The following PTCH2 variants were observed in gnomAD, a reference collection of about 807,000 sequenced individuals.
PTCH2 encodes the protein patched 2, also known as protein patched homolog 2.
A neutral mutation model predicts 117.9 loss-of-function variants in PTCH2; 96 were observed. The observed-to-expected ratio is 0.81, with a 90% CI of 0.69 to 0.96. The LOEUF is 0.96. PTCH2 is among the 50% of genes least tolerant of loss of function. PTCH2 has a pLI of 0.00. For missense variants in PTCH2, 1,379 were observed against 1,562.5 expected, an observed-to-expected ratio of 0.88 and a Z score of 1.98; for synonymous variants, 615 against 660.9, an observed-to-expected ratio of 0.93 and a Z score of 1.06.
At chr1:44,828,741 A>C (rs375038160) in intron 11 of PTCH2, 110 bp from the exon 12 acceptor site, 19 of 1,461,468 alleles carry the variant, frequency 1.3e-5, no homozygotes, top group Non-Finnish European at 1.8e-5. Flanking sequence ...GGCAGTCATA[A>C]CACAGTGGCT....
chr1:44,837,763 G>C (rs181307890), intron 2 of PTCH2, among the ~76,000 whole-genome samples: 3 of 152,108 alleles, frequency 2.0e-5, no homozygotes, highest in Admixed American at 6.6e-5. Flanking sequence ...GCCTCAACTA[G>C]AGCAGTGACC....
chr1:44,838,427 GAC>G (rs1476515615), intron 2 of PTCH2, among the ~76,000 whole-genome samples: 2 of 152,148 alleles, frequency 1.3e-5, no homozygotes, highest in African/African-American at 2.4e-5. Context: ...TTGGAGTAGA[GAC>G]AGTGTTTCAC....
chr1:44,828,736 T>C (rs1344338628), intron 11 of PTCH2, 105 bp from the exon 12 acceptor site: 1 of 1,483,304 alleles, frequency 6.7e-7, no homozygotes, highest in South Asian at 1.2e-5. Flanking sequence ...GGTGGGGCAG[T>C]CATAACACAG....
chr1:44,822,456 C>G lies in PTCH2; in HGVS notation c.3571G>C (p.Gly1191Arg). 1 of 1,613,930 alleles carries G rather than the reference C, an allele frequency of 6.2e-7. No homozygotes were observed. Among genetic ancestry groups the G allele is most frequent in the East Asian group, 2.2e-5 (1 of 44,880 alleles). Residue 1191 changes from glycine to arginine, a missense_variant, in exon 22 of 22, where the codon GGC becomes CGC. Gly to Arg is a moderately radical substitution (Grantham distance 125). Transcript: ENST00000372192. ...CCTGGTCCCCTGGAACTGAGGTTGC[C>G]AGAGCTAGTGGCAGCAGGGGACCAA... ...PPWSPAATSS[G>R]NLSSRGPGPA...
rs1573666565 is a variant in PTCH2 at position 44,842,902 on chromosome 1, G to A, written c.31C>T (p.Pro11Ser). The A allele has an allele frequency of 1.9e-6, 3 of 1,550,164 alleles. No individual in the cohort carries two copies. Among genetic ancestry groups the A allele is most frequent in the South Asian group, 1.2e-5 (1 of 83,826 alleles). The change falls in exon 1 of 22, where the codon CCC becomes TCC. Residue 11 changes from proline to serine, a missense_variant. Coordinates refer to ENST00000372192, the MANE Select transcript of PTCH2 (RefSeq NM_003738.5). MTRSPPLREL[P>S]PSYTPPARTA... Reference sequence around the variant, plus strand: ...CGAGCTGGGGGTGTGTAACTCGGGGGCAGCTCTCTGAGGGGCGGCGATCGA... The same window carrying A: ...CGAGCTGGGGGTGTGTAACTCGGGGACAGCTCTCTGAGGGGCGGCGATCGA...
chr1:44,827,838 C>T lies in PTCH2; in HGVS notation c.2058+5G>A. ...AAGTCTCTGCCCTGCTCTGCCCAGT[C>T]TTACCTTAGCATGTGACTGGAGCAG... is the stretch of plus-strand genomic sequence containing the variant. On this transcript the variant is annotated splice_donor_5th_base_variant and intron_variant, in intron 14 of 21. Coordinates refer to ENST00000372192, the MANE Select transcript of PTCH2 (RefSeq NM_003738.5). 1 of 1,614,046 alleles carries T rather than the reference C, an allele frequency of 6.2e-7. No homozygotes were observed. The highest frequency in any genetic ancestry group is 1.1e-5 in the South Asian group (1 of 91,082).
downstream of PTCH2, chr1:44,821,775 T>C: frequency 1.5e-6 from 2 of 1,316,184 alleles, no homozygotes; most frequent in Non-Finnish European, 2.0e-6. Context: ...CCAGATGATG[T>C]TACCAAGTAT....
At position 44,832,315 on chromosome 1, in the gene PTCH2, G is replaced by T; in HGVS notation, c.292C>A (p.His98Asn). ...EVGSRVSQEL[H>N]YTKEKLGEEA... ...TCCCCCAGCTTCTCCTTGGTGTAAT[G>T]CAGCTCCTGGCTCACCCGGCTGCCC... is the stretch of plus-strand genomic sequence containing the variant. The change falls in exon 3 of 22, where the codon CAT (histidine) becomes AAT (asparagine). Residue 98 changes from histidine (H) to asparagine (N), a missense_variant. Coordinates refer to ENST00000372192, the MANE Select transcript of PTCH2 (RefSeq NM_003738.5). 2 of 1,614,222 alleles carry T rather than the reference G, an allele frequency of 1.2e-6. No individual in the cohort carries two copies. Among genetic ancestry groups the T allele is most frequent in the Non-Finnish European group, 1.7e-6 (2 of 1,180,038 alleles).
rs768496761 is a variant in PTCH2 at position 44,831,038 on chromosome 1, C to T, written c.623G>A (p.Arg208His). ...CAGGTTGGTCCACTGGATATCCGGG[C>T]GGCCGCTGAGGGAAAAGCCTATAGT... ...LQGGSAYLPG[R>H]PDIQWTNLDP... Residue 208 changes from arginine to histidine, a missense_variant, in exon 6 of 22, where the codon CGC (arginine) becomes CAC (histidine). Transcript: ENST00000372192. The surrounding 1 kb of genome is among the most constrained non-coding windows in gnomAD (Gnocchi z 4.3). 23 of 1,610,652 alleles carry T rather than the reference C, an allele frequency of 1.4e-5. No homozygotes were observed. The highest frequency in any genetic ancestry group is 2.2e-4 in the Middle Eastern group (1 of 4,638).
At chr1:44,836,937 G>A (rs181774947) in intron 2 of PTCH2, among the ~76,000 whole-genome samples, 1 of 152,322 alleles carries the variant, frequency 6.6e-6, no homozygotes, top group Non-Finnish European at 1.5e-5. Flanking sequence ...GGGTGAAAGA[G>A]TGAGACCCTG....
At chr1:44,842,775 A>T in intron 1 of PTCH2, 86 bp downstream of exon 1, 1 of 1,320,344 alleles carries the variant, frequency 7.6e-7, no homozygotes, top group African/African-American at 1.5e-5. Context: ...GACACTCGGC[A>T]CTTCAAGACA....
chr1:44,835,900 C>A (rs544660133), intron 2 of PTCH2, among the ~76,000 whole-genome samples: 29 of 152,266 alleles, frequency 1.9e-4, no homozygotes, highest in Non-Finnish European at 3.7e-4. Flanking sequence ...GCTGGAGAAG[C>A]AATCAAGTCC....
Position 44,827,229 on chromosome 1 carries a change from C to A in PTCH2, c.2452G>T (p.Ala818Ser), listed in dbSNP as rs1290533319. ...HSYRNGSEDG[A>S]LAYKLLIQTG... ...TGGATGAGCAGCTTGTAGGCCAGGG[C>A]CCCATCCTCAGAGCCATTGCGGTAC... Residue 818 changes from alanine (A) to serine (S), a missense_variant, in exon 16 of 22, where the codon GCC (alanine) becomes TCC (serine). Transcript: ENST00000372192. The A allele has an allele frequency of 6.2e-7, 1 of 1,614,118 alleles. No homozygotes were observed. Among genetic ancestry groups the A allele is most frequent in the Non-Finnish European group, 8.5e-7 (1 of 1,180,024 alleles).
At chr1:44,828,246 G>C (rs555039499) in intron 13 of PTCH2, 50 bp downstream of exon 13, 1 of 1,612,510 alleles carries the variant, frequency 6.2e-7, no homozygotes, top group Admixed American at 1.7e-5. Context: ...CTGGTGAGGG[G>C]ACAGGCTGGC....
At chr1:44,839,020 C>CACCCTG (rs1653813280) in intron 2 of PTCH2, among the ~76,000 whole-genome samples, 1 of 152,116 alleles carries the variant, frequency 6.6e-6, no homozygotes, top group South Asian at 2.1e-4. Context: ...TGAGCCACTG[C>CACCCTG]ACCCTGCCTT....
intron 2 of PTCH2, among the ~76,000 whole-genome samples, chr1:44,836,217 C>CA (rs1653679450): frequency 6.6e-6 from 1 of 152,182 alleles, no homozygotes; most frequent in Non-Finnish European, 1.5e-5. Flanking sequence ...TTGCCTTTGC[C>CA]AAGTGAAGGA....
Position 44,843,252 on chromosome 1 carries a change from G to C in PTCH2, c.-320C>G. The C allele has an allele frequency of 1.0e-6, 1 of 985,424 alleles. No individual in the cohort carries two copies. The highest frequency in any genetic ancestry group is 1.2e-6 in the Non-Finnish European group (1 of 829,922). The allele number at this position is 985,424 out of a possible 1,614,324, so 61.0% of individuals were successfully genotyped here. ...CACAGCAGGGCTCGAGGTGGCAACT[G>C]CAGTCCCCGGGAGGCGGCTGGAGCT... On this transcript the variant is annotated 5_prime_UTR_variant, in exon 1 of 22. Coordinates refer to ENST00000372192, the MANE Select transcript of PTCH2 (RefSeq NM_003738.5).
At position 44,822,370 on chromosome 1, in the gene PTCH2, G is replaced by A; in HGVS notation, c.*45C>T. Reference sequence around the variant, plus strand: ...AACACCAGACCCAGTGCTTCCCAGTGACCCCACACGCCCCACACATGGTCT... The same window carrying A: ...AACACCAGACCCAGTGCTTCCCAGTAACCCCACACGCCCCACACATGGTCT... On this transcript the variant is annotated 3_prime_UTR_variant, in exon 22 of 22. Coordinates refer to ENST00000372192, the MANE Select transcript of PTCH2 (RefSeq NM_003738.5). 6.2e-7 allele frequency: 1 copy of A among 1,612,070 alleles called. No homozygotes were observed. The highest frequency in any genetic ancestry group is 1.3e-5 in the African/African-American group (1 of 75,054).
chr1:44,838,245 A>T (rs1653772720), intron 2 of PTCH2, among the ~76,000 whole-genome samples: 1 of 152,230 alleles, frequency 6.6e-6, no homozygotes, highest in Non-Finnish European at 1.5e-5. Context: ...ATATAAGGCC[A>T]TCCTCTGTCT....
Sources: allele counts gnomAD v4.1 joint callset (sites outside exome capture counted in the v4.1 genomes callset), GRCh38; gene constraint gnomAD v4.1.1; non-coding constraint Gnocchi (gnomAD v3.1); transcripts MANE v1.5; gene names NCBI Gene and HGNC (gene_info 2026-07-23, HGNC 2026-07-21).